The following OR4M1 variants were observed in gnomAD, a reference collection of about 807,000 sequenced individuals.
OR4M1 encodes the protein olfactory receptor 4M1.
In OR4M1, 7 loss-of-function variants were observed where a neutral mutation model predicts 9.8. The ratio of observed to expected loss-of-function variants is 0.71; its 90% CI spans 0.41 to 1.34. OR4M1 has a LOEUF of 1.34. Among genes scored for constraint, OR4M1 ranks in the 40% most tolerant of loss-of-function variants. OR4M1 has a pLI of 0.01. For missense variants in OR4M1, 331 were observed against 380.4 expected, an observed-to-expected ratio of 0.87 and a Z score of 1.08; for synonymous variants, 121 against 139.8, an observed-to-expected ratio of 0.87 and a Z score of 0.95.
In OR4M1 at chr14:19,778,321, G is replaced by C. The variant is rs566092989; in HGVS notation, c.-29-1973G>C. Among the ~76,000 whole-genome samples the C allele has an allele frequency of 5.3e-5, 8 of 152,284 alleles. No individual in the cohort carries two copies. The South Asian group carries it at 1.7e-3, about 32-fold the overall frequency. On this transcript the variant is annotated intron_variant, in intron 1 of 1. Coordinates refer to ENST00000641200, the MANE Select transcript of OR4M1 (RefSeq NM_001005500.2). ...TTTCTACTTCTGTTTTGGTGGAATG[G>C]GTATGGAGTAGAGCAGAGGAGGAAG...
At chr14:19,776,454 C>T (rs1394621865) in intron 1 of OR4M1, among the ~76,000 whole-genome samples, 3 of 152,172 alleles carry the variant, frequency 2.0e-5, no homozygotes, top group African/African-American at 7.2e-5. Context: ...GTACTACGTC[C>T]CTGTAGATTA....
rs147108210 is a variant in OR4M1, at chr14:19,776,320, A to G, written c.-30+2727A>G. Among the ~76,000 whole-genome samples the G allele has an allele frequency of 7.7e-3, 1,172 of 152,190 alleles. 3 individuals are homozygous for G. Among genetic ancestry groups the G allele is most frequent in the African/African-American group, 0.027 (1,109 of 41,448 alleles). On this transcript the variant is annotated intron_variant, in intron 1 of 1. Coordinates refer to ENST00000641200, the MANE Select transcript of OR4M1 (RefSeq NM_001005500.2). The stretch of plus-strand genomic sequence containing the variant: ...AACTGTCATAGAGGAAGATTTCATG[A>G]CCTCAACATCACGCAGATTCTTGTT...
At chr14:19,778,432 C>T (rs545116448) in intron 1 of OR4M1, among the ~76,000 whole-genome samples, 25 of 152,294 alleles carry the variant, frequency 1.6e-4, no homozygotes, top group African/African-American at 5.5e-4. Context: ...ATGGTATTTA[C>T]CGCTTTAAAA....
At chr14:19,780,246 C>A in intron 1 of OR4M1, 48 bp from the exon 2 acceptor site, 2 of 1,421,118 alleles carry the variant, frequency 1.4e-6, no homozygotes, top group South Asian at 2.8e-5. Context: ...TGATATAACT[C>A]TAGATAAATG....
intron 1 of OR4M1, among the ~76,000 whole-genome samples, chr14:19,778,233 GT>G (rs1878367702): frequency 6.6e-6 from 1 of 152,156 alleles, no homozygotes; most frequent in African/African-American, 2.4e-5. Flanking sequence ...AATACCTGAT[GT>G]ATGTTTGTCT....
At position 19,780,309 on chromosome 14, in the gene OR4M1, A is replaced by G. The variant is rs1483725941; in HGVS notation, c.-14A>G. On this transcript the variant is annotated 5_prime_UTR_variant, in exon 2 of 2. Transcript: ENST00000641200. ...ATTTTCATAGTTATATTATGAAAAG[A>G]GTAAATTGAAGAAATGGAAACTGCA... The G allele has an allele frequency of 5.0e-6, 8 of 1,592,872 alleles. No individual in the cohort carries two copies. In the African/African-American group the frequency reaches 9.5e-5, roughly 19 times the overall value.
chr14:19,780,369 G>A lies in OR4M1; in HGVS notation c.47G>A (p.Gly16Asp). Residue 16 changes from glycine to aspartate, a missense_variant, in exon 2 of 2, where the codon GGC (glycine) becomes GAC (aspartate). Coordinates refer to ENST00000641200, the MANE Select transcript of OR4M1 (RefSeq NM_001005500.2). ...YTKVTEFVLT[G>D]LSQTREVQLV... is the part of the protein sequence containing the mutation. ...AAGGTGACAGAATTTGTTCTCACTG[G>A]CCTATCCCAGACTCGGGAGGTCCAA... 6.2e-7 allele frequency: 1 copy of A among 1,614,070 alleles called. No homozygotes were observed. The highest frequency in any genetic ancestry group is 8.5e-7 in the Non-Finnish European group (1 of 1,179,952).
At chr14:19,774,149 G>A (rs1326042662) in intron 1 of OR4M1, among the ~76,000 whole-genome samples, 3 of 152,128 alleles carry the variant, frequency 2.0e-5, no homozygotes, top group African/African-American at 7.2e-5. Context: ...AAAATAAATA[G>A]AAAAGCAAAA....
intron 1 of OR4M1, among the ~76,000 whole-genome samples, chr14:19,777,461 C>A (rs1248064148): frequency 6.6e-6 from 1 of 152,118 alleles, no homozygotes; most frequent in Non-Finnish European, 1.5e-5. Flanking sequence ...TTTTTATTTC[C>A]TGCTTGTCTT....
Position 19,781,383 on chromosome 14 carries a change from T to C in OR4M1, c.*119T>C, listed in dbSNP as rs1878494640. On this transcript the variant is annotated 3_prime_UTR_variant, in exon 2 of 2. Coordinates refer to ENST00000641200, the MANE Select transcript of OR4M1 (RefSeq NM_001005500.2). ...CATTTGTGTTCTTAAAATTTTACTA[T>C]AATTTTTCTCTATTAATTCCTCTTT... is the stretch of plus-strand genomic sequence containing the variant. The C allele has an allele frequency of 4.1e-6, 4 of 982,428 alleles. No homozygotes were observed. Among genetic ancestry groups the C allele is most frequent in the Non-Finnish European group, 5.9e-6 (4 of 682,776 alleles). 60.9% of individuals were successfully genotyped at this position (982,428 alleles called of 1,614,324 possible).
At chr14:19,775,543 T>TATTATAATATATATTATAATATATATATA (rs1423210267) in intron 1 of OR4M1, among the ~76,000 whole-genome samples, 1 of 147,334 alleles carries the variant, frequency 6.8e-6, no homozygotes, top group Non-Finnish European at 1.5e-5. Flanking sequence ...AATATATATA[T>TATTATAATATATATTATAATATATATATA]AATATAATAT....
In OR4M1 at chr14:19,780,944, G is replaced by A. The variant is rs141721077; in HGVS notation, c.622G>A (p.Val208Met). Residue 208 changes from valine (V) to methionine (M), a missense_variant, in exon 2 of 2, where the codon GTG (valine) becomes ATG (methionine). By Grantham distance (21) the Val-to-Met change is conservative. Around this residue, in one of 2 missense-constraint regions of OR4M1, gnomAD observed 122 missense variants for 180.5 expected, o/e 0.68. Coordinates refer to ENST00000641200, the MANE Select transcript of OR4M1 (RefSeq NM_001005500.2). ...GATCTGTAGTAGTGGTCTGATCTCT[G>A]TGGTGTGTTTCATTGCTCTGTTAAT... ...VMICSSGLIS[V>M]VCFIALLMSY... The A allele has an allele frequency of 1.8e-3, 2,887 of 1,613,976 alleles. 36 individuals are homozygous for A. In the African/African-American group the frequency reaches 0.035, roughly 19 times the overall value.
At chr14:19,774,185 T>C (rs1878245615) in intron 1 of OR4M1, among the ~76,000 whole-genome samples, 1 of 152,230 alleles carries the variant, frequency 6.6e-6, no homozygotes, top group African/African-American at 2.4e-5. Flanking sequence ...AAAGAGACTC[T>C]TACTTGAAAT....
chr14:19,774,375 T>A (rs1480336268), intron 1 of OR4M1, among the ~76,000 whole-genome samples: 1 of 152,244 alleles, frequency 6.6e-6, no homozygotes, highest in African/African-American at 2.4e-5. Flanking sequence ...AATCATCCCA[T>A]CCATCCATCC....
Position 19,781,340 on chromosome 14 carries a change from G to T in OR4M1, c.*76G>T. Reference sequence around the variant, plus strand: ...AGGAAGTATTTGCAGTAATAATGCTGCATTCACTTCCTCCGTTCATTTGTG... The same window carrying T: ...AGGAAGTATTTGCAGTAATAATGCTTCATTCACTTCCTCCGTTCATTTGTG... On this transcript the variant is annotated 3_prime_UTR_variant, in exon 2 of 2. Coordinates refer to ENST00000641200, the MANE Select transcript of OR4M1 (RefSeq NM_001005500.2). The T allele has an allele frequency of 1.6e-6, 2 of 1,235,154 alleles. No individual in the cohort carries two copies. Among genetic ancestry groups the T allele is most frequent in the Non-Finnish European group, 2.2e-6 (2 of 891,122 alleles). 76.5% of individuals were successfully genotyped at this position (1,235,154 alleles called of 1,614,324 possible).
In OR4M1 at chr14:19,781,480, A is replaced by G; in HGVS notation, c.*216A>G. 1 of 531,324 alleles carries G rather than the reference A, an allele frequency of 1.9e-6. No individual in the cohort carries two copies. Among genetic ancestry groups the G allele is most frequent in the Non-Finnish European group, 3.3e-6 (1 of 306,748 alleles). 32.9% of individuals were successfully genotyped at this position (531,324 alleles called of 1,614,324 possible). A position where few individuals can be genotyped will look rare whatever the true frequency, so the allele number is the denominator to read the frequency against. The stretch of plus-strand genomic sequence containing the variant: ...CCTACCCTGAAATTCCAGGCAGATC[A>G]TTATTAGAATTTGAGATATAATAAT... On this transcript the variant is annotated 3_prime_UTR_variant, in exon 2 of 2. Coordinates refer to ENST00000641200, the MANE Select transcript of OR4M1 (RefSeq NM_001005500.2).
chr14:19,780,111 G>T, intron 1 of OR4M1, 183 bp from the exon 2 acceptor site: 1 of 584,096 alleles, frequency 1.7e-6, no homozygotes, highest in Non-Finnish European at 2.9e-6. Flanking sequence ...TAGTTTTAGT[G>T]TTCCCAATTT....
intron 1 of OR4M1, among the ~76,000 whole-genome samples, chr14:19,780,066 G>A (rs575307457): frequency 1.4e-4 from 22 of 152,358 alleles, no homozygotes; most frequent in South Asian, 4.1e-4. Flanking sequence ...TTAACAAGCC[G>A]AGATTTGAGT....
intron 1 of OR4M1, among the ~76,000 whole-genome samples, chr14:19,775,861 G>C (rs1483357292): frequency 1.3e-5 from 2 of 151,012 alleles, no homozygotes; most frequent in East Asian, 3.9e-4. Flanking sequence ...TGATCTTCAA[G>C]ATAGTATAAT....
Sources: allele counts gnomAD v4.1 joint callset (sites outside exome capture counted in the v4.1 genomes callset), GRCh38; gene constraint gnomAD v4.1.1; regional missense constraint gnomAD v4.1.1; transcripts MANE v1.5; gene names NCBI Gene and HGNC (gene_info 2026-07-23, HGNC 2026-07-21).